Variants in PWWP2B observed in about 807,000 individuals in gnomAD.
PWWP2B encodes the protein PWWP domain containing 2B.
In PWWP2B, 9 loss-of-function variants were observed where a neutral mutation model predicts 15.5. That is an observed-to-expected ratio of 0.58 (90% CI 0.35 to 1.02). The LOEUF (loss-of-function observed/expected upper bound fraction) is 1.02, where lower values mean the gene tolerates loss of function less well. PWWP2B is among the 50% of genes least tolerant of loss of function. The probability of loss-of-function intolerance (pLI) is 0.02; values close to 1 mark genes in which losing one functional copy is unlikely to be tolerated. For missense variants in PWWP2B, 864 were observed against 865.3 expected, an observed-to-expected ratio of 1.00 and a Z score of 0.02; for synonymous variants, 474 against 403.6, an observed-to-expected ratio of 1.17 and a Z score of -2.09.
intron 1 of PWWP2B, among the ~76,000 whole-genome samples, chr10:132,400,296 A>C (rs1317664569): frequency 6.6e-6 from 1 of 151,788 alleles, no homozygotes; most frequent in Non-Finnish European, 1.5e-5. Context: ...TCTCGAGGGG[A>C]TGGCATCTGA....
chr10:132,400,946 G>T (rs1372575578), intron 1 of PWWP2B, among the ~76,000 whole-genome samples: 1 of 152,244 alleles, frequency 6.6e-6, no homozygotes, highest in African/African-American at 2.4e-5. Flanking sequence ...TCTGTAGAAT[G>T]GGGAAGCCGT....
intron 2 of PWWP2B, among the ~76,000 whole-genome samples, chr10:132,415,339 TATCCACTCACACAC>T (rs1371861152): frequency 3.1e-5 from 4 of 130,802 alleles, no homozygotes; most frequent in Non-Finnish European, 6.5e-5. Flanking sequence ...CCCACACACA[TATCCACTCACACAC>T]ATCCACTCAC....
At chr10:132,406,363 T>A in intron 2 of PWWP2B, 74 bp downstream of exon 2, 1 of 1,303,726 alleles carries the variant, frequency 7.7e-7, no homozygotes, top group Non-Finnish European at 1.0e-6. Context: ...ATGCCTCTGC[T>A]CCGGGCCCTG....
intron 1 of PWWP2B, among the ~76,000 whole-genome samples, chr10:132,404,382 C>T (rs956319144): frequency 6.6e-6 from 1 of 152,166 alleles, no homozygotes; most frequent in African/African-American, 2.4e-5. Context: ...AGCAGCTGAC[C>T]TCCCGGCCAT....
In PWWP2B at chr10:132,417,425, A is replaced by G. The variant is rs2069876210; in HGVS notation, c.*381A>G. On this transcript the variant is annotated 3_prime_UTR_variant, in exon 3 of 3. Coordinates refer to ENST00000305233, the MANE Select transcript of PWWP2B (RefSeq NM_138499.4). Reference sequence around the variant, plus strand: ...CATGCTGGGGTCCCATGGAGGAACCAGGCCTGGCGCCCCGGCCTCGCCCAG... The same window carrying G: ...CATGCTGGGGTCCCATGGAGGAACCGGGCCTGGCGCCCCGGCCTCGCCCAG... The G allele has an allele frequency of 1.7e-5, 6 of 359,682 alleles. No individual in the cohort carries two copies. In the South Asian group the frequency reaches 2.3e-4, roughly 14 times the overall value. 22.3% of individuals were successfully genotyped at this position (359,682 alleles called of 1,614,324 possible). A position where few individuals can be genotyped will look rare whatever the true frequency, so the allele number is the denominator to read the frequency against.
chr10:132,399,440 G>C (rs2069585215), intron 1 of PWWP2B, among the ~76,000 whole-genome samples: 1 of 152,274 alleles, frequency 6.6e-6, no homozygotes, highest in Admixed American at 6.5e-5. Flanking sequence ...GCTGAGGTGG[G>C]CCCAGCAGCC....
Position 132,406,252 on chromosome 10 carries a change from C to T in PWWP2B, c.1752C>T (p.Leu584=). Residue 584 remains leucine (L), a synonymous_variant, in exon 2 of 3, where the codon CTC becomes CTT. Transcript: ENST00000305233. ...ACGTGGCCCCGGAAATCAGGGAGCT[C>T]TTAACCCAGTTTGAAACGTAACTGG... ...ARHVAPEIRE[L]LTQFET The T allele has an allele frequency of 1.2e-6, 2 of 1,609,712 alleles. No individual in the cohort carries two copies. Among genetic ancestry groups the T allele is most frequent in the Admixed American group, 1.7e-5 (1 of 59,880 alleles).
intron 1 of PWWP2B, 92 bp from the exon 2 acceptor site, chr10:132,404,534 C>A: frequency 1.8e-6 from 2 of 1,106,600 alleles, no homozygotes; most frequent in Non-Finnish European, 2.7e-6. Context: ...CCTGCCGGAG[C>A]ATGGGTCGGG....
In PWWP2B at chr10:132,402,294, C is replaced by G. The variant is rs1478013643; in HGVS notation, c.126-2332C>G. Among the ~76,000 whole-genome samples, 3 of 152,264 alleles carry G rather than the reference C, an allele frequency of 2.0e-5. No individual in the cohort carries two copies. The East Asian group carries it at 5.8e-4, about 29-fold the overall frequency. ...GGTCAGGGTGCCATGTTCCCCAGCC[C>G]TAGTGGGGTTGCCCCCTCCCTCTGG... On this transcript the variant is annotated intron_variant, in intron 1 of 2. Transcript: ENST00000305233.
At chr10:132,403,858 G>A (rs1370615570) in intron 1 of PWWP2B, among the ~76,000 whole-genome samples, 5 of 152,050 alleles carry the variant, frequency 3.3e-5, no homozygotes, top group East Asian at 1.9e-4. Context: ...ACCTGAGGGT[G>A]CCAGGTGGGC....
At chr10:132,410,967 C>G (rs908862097) in intron 2 of PWWP2B, among the ~76,000 whole-genome samples, 12 of 152,212 alleles carry the variant, frequency 7.9e-5, no homozygotes, top group Admixed American at 3.3e-4. Context: ...CCAGCACAGC[C>G]TCCGTCAGCA....
In PWWP2B at chr10:132,405,585, G is replaced by A. The variant is rs79720492; in HGVS notation, c.1085G>A (p.Arg362Gln). The A allele has an allele frequency of 2.7e-3, 4,301 of 1,609,850 alleles. 104 individuals are homozygous for A. In the African/African-American group the frequency reaches 0.05, roughly 19 times the overall value. ...GTGGGGGAGCTGAACGGGTACCTGC[G>A]GGACAGCTCGCCGGCGCCCTGTGCG... ...ELVGELNGYL[R>Q]DSSPAPCADG... Residue 362 changes from arginine to glutamine, a missense_variant, in exon 2 of 3, where the codon CGG becomes CAG. Coordinates refer to ENST00000305233, the MANE Select transcript of PWWP2B (RefSeq NM_138499.4).
At chr10:132,400,580 C>A (rs551977093) in intron 1 of PWWP2B, among the ~76,000 whole-genome samples, 1 of 152,186 alleles carries the variant, frequency 6.6e-6, no homozygotes, top group African/African-American at 2.4e-5. Context: ...TTTTCCCTAA[C>A]CCCTGAGAGA....
intron 2 of PWWP2B, among the ~76,000 whole-genome samples, chr10:132,412,922 C>T (rs755934426): frequency 2.0e-5 from 3 of 152,272 alleles, no homozygotes; most frequent in Admixed American, 2.0e-4. Context: ...CTATTCTTTC[C>T]ATGCTCAGAC....
chr10:132,398,395 A>C lies in PWWP2B; in HGVS notation c.125+1044A>C, dbSNP rs1264779358. On this transcript the variant is annotated intron_variant, in intron 1 of 2. Transcript: ENST00000305233. ...CGCTGGGAGTGCACGGGCAGGATGG[A>C]GGGACACTCGGGGGGTGAGAATCGC... Among the ~76,000 whole-genome samples the C allele has an allele frequency of 2.0e-5, 3 of 152,232 alleles. No homozygotes were observed. In the East Asian group the frequency reaches 5.8e-4, roughly 29 times the overall value.
chr10:132,401,099 C>T (rs982757082), intron 1 of PWWP2B, among the ~76,000 whole-genome samples: 1 of 152,222 alleles, frequency 6.6e-6, no homozygotes, highest in Non-Finnish European at 1.5e-5. Flanking sequence ...GCCCCAGGGC[C>T]GCCACGGCTG....
In PWWP2B at chr10:132,405,341, C is replaced by T. The variant is rs748032747; in HGVS notation, c.841C>T (p.Arg281Cys). 76 of 1,611,618 alleles carry T rather than the reference C, an allele frequency of 4.7e-5. No individual in the cohort carries two copies. The highest frequency in any genetic ancestry group is 1.6e-4 in the Middle Eastern group (1 of 6,076). ...CGTGCACGGCTCTCTGGAGCCCTTCCGTCCCCAGCAGGCCCCGCAGGACGA... is the reference window on the plus strand; with the variant it reads ...CGTGCACGGCTCTCTGGAGCCCTTCTGTCCCCAGCAGGCCCCGCAGGACGA... ...SRVHGSLEPF[R>C]PQQAPQDDGS... Residue 281 changes from arginine to cysteine, a missense_variant, in exon 2 of 3, where the codon CGT becomes TGT. Transcript: ENST00000305233.
At chr10:132,407,663 G>A (rs941602010) in intron 2 of PWWP2B, among the ~76,000 whole-genome samples, 5 of 152,200 alleles carry the variant, frequency 3.3e-5, no homozygotes, top group African/African-American at 9.7e-5. Flanking sequence ...GGCTGCATCT[G>A]CCTTGCTCTC....
In PWWP2B at chr10:132,405,125, G is replaced by A; in HGVS notation, c.625G>A (p.Asp209Asn). ...RARRRLGSGP[D>N]RELRKPEEPE... ...CCGCAGGAGGCTGGGCAGCGGCCCG[G>A]ACAGGGAGCTCCGCAAGCCGGAGGA... Residue 209 changes from aspartate to asparagine, a missense_variant, in exon 2 of 3, where the codon GAC becomes AAC. Asp to Asn is a conservative substitution (Grantham distance 23). Transcript: ENST00000305233. The A allele has an allele frequency of 6.5e-7, 1 of 1,543,186 alleles. No homozygotes were observed. The highest frequency in any genetic ancestry group is 1.4e-5 in the African/African-American group (1 of 72,846).
Sources: gnomAD v4.1 joint callset for allele counts (sites outside exome capture counted in the v4.1 genomes callset) on GRCh38, gnomAD v4.1.1 for gene constraint, MANE v1.5 for transcripts, NCBI Gene and HGNC (gene_info 2026-07-23, HGNC 2026-07-21) for gene names.